RIGI: variants seen among roughly 807,000 people sequenced by gnomAD.
The protein encoded by RIGI is RNA sensor RIG-I, also known as antiviral innate immune response receptor RIG-I.
the RIGI span, among the ~76,000 whole-genome samples, chr9:32,516,876 G>T: frequency 6.6e-6 from 1 of 152,224 alleles, no homozygotes; most frequent in South Asian, 2.1e-4. Flanking sequence ...GATTGAGAGA[G>T]AAAAGCACCT....
At chr9:32,480,501 CCT>C in the RIGI span, 5 of 695,972 alleles carry the variant, frequency 7.2e-6, no homozygotes, top group Non-Finnish European at 6.4e-6. Context: ...AGATGAATGG[CCT>C]CTAACAGTTA....
the RIGI span, among the ~76,000 whole-genome samples, chr9:32,508,258 T>TTTTTTTTTTTTTTTTTTTTTTTA: frequency 2.9e-5 from 4 of 138,048 alleles, no homozygotes; most frequent in East Asian, 2.2e-4. Context: ...TTTTTTTTTT[T>TTTTTTTTTTTTTTTTTTTTTTTA]ACTATATGAA....
At chr9:32,508,327 A>C in the RIGI span, among the ~76,000 whole-genome samples, 2 of 144,480 alleles carry the variant, frequency 1.4e-5, no homozygotes, top group Admixed American at 1.4e-4. Flanking sequence ...AAAAAGGAAC[A>C]GCTCCGGTCT....
the RIGI span, chr9:32,481,382 G>A: frequency 4.0e-5 from 64 of 1,613,420 alleles, no homozygotes; most frequent in East Asian, 1.4e-3. Flanking sequence ...TACAAATCCT[G>A]CTCTCTTCAT....
At chr9:32,493,260 G>C in the RIGI span, among the ~76,000 whole-genome samples, 2 of 152,120 alleles carry the variant, frequency 1.3e-5, no homozygotes, top group African/African-American at 4.8e-5. Flanking sequence ...CACAGACTGT[G>C]GTGATTTTAA....
the RIGI span, among the ~76,000 whole-genome samples, chr9:32,510,253 TC>T: frequency 6.6e-6 from 1 of 151,882 alleles, no homozygotes; most frequent in African/African-American, 2.4e-5. Flanking sequence ...ACAAAGATAC[TC>T]CTCGAGAAGA....
chr9:32,474,061 G>T, the RIGI span, among the ~76,000 whole-genome samples: 1 of 152,074 alleles, frequency 6.6e-6, no homozygotes, highest in East Asian at 1.9e-4. Flanking sequence ...AATTAGCTGG[G>T]TGTGGTGGTT....
chr9:32,503,967 G>A, the RIGI span, among the ~76,000 whole-genome samples: 1 of 151,280 alleles, frequency 6.6e-6, no homozygotes, highest in African/African-American at 2.4e-5. Flanking sequence ...ACTTGAACCA[G>A]GGAGACAGAA....
the RIGI span, chr9:32,501,090 C>T: frequency 1.0e-6 from 1 of 982,786 alleles, no homozygotes; most frequent in African/African-American, 1.7e-5. Flanking sequence ...GCAGCAAAAC[C>T]TCTGCCCAGG....
chr9:32,522,996 A>G, the RIGI span, among the ~76,000 whole-genome samples: 1 of 152,224 alleles, frequency 6.6e-6, no homozygotes, highest in Non-Finnish European at 1.5e-5. Context: ...TCATCAGACC[A>G]TCACATCCAG....
chr9:32,492,470 C>A, the RIGI span: 1 of 1,614,132 alleles, frequency 6.2e-7, no homozygotes, highest in Non-Finnish European at 8.5e-7. Context: ...GCCAGTTTTC[C>A]TTGTCTGATC....
At chr9:32,481,747 G>A in the RIGI span, among the ~76,000 whole-genome samples, 2 of 152,022 alleles carry the variant, frequency 1.3e-5, no homozygotes, top group Admixed American at 1.3e-4. Flanking sequence ...CATCACGCCT[G>A]GCTAATTTTT....
the RIGI span, among the ~76,000 whole-genome samples, chr9:32,515,317 C>CAAAA: frequency 2.6e-4 from 29 of 111,204 alleles, no homozygotes; most frequent in Middle Eastern, 4.3e-3. Context: ...GACTCTGTCT[C>CAAAA]AAAAAAAAAA....
At chr9:32,466,648 C>A in the RIGI span, among the ~76,000 whole-genome samples, 1 of 127,810 alleles carries the variant, frequency 7.8e-6, no homozygotes, top group South Asian at 2.6e-4. Context: ...GCTAGGATTA[C>A]ACCACTGCAC....
chr9:32,521,473 A>G, the RIGI span, among the ~76,000 whole-genome samples: 1 of 152,110 alleles, frequency 6.6e-6, no homozygotes, highest in African/African-American at 2.4e-5. Context: ...TAAATGAATA[A>G]CTATTTTGTA....
chr9:32,513,768 A>G, the RIGI span, among the ~76,000 whole-genome samples: 1 of 152,226 alleles, frequency 6.6e-6, no homozygotes, highest in Non-Finnish European at 1.5e-5. Context: ...CAGCTAAAGA[A>G]ACTATCATCA....
the RIGI span, among the ~76,000 whole-genome samples, chr9:32,493,009 CT>C: frequency 6.6e-6 from 1 of 152,234 alleles, no homozygotes; most frequent in East Asian, 1.9e-4. Flanking sequence ...CATATATTAT[CT>C]CATTACCCTT....
chr9:32,505,813 G>T, the RIGI span, among the ~76,000 whole-genome samples: 1 of 152,072 alleles, frequency 6.6e-6, no homozygotes, highest in Non-Finnish European at 1.5e-5. Flanking sequence ...CCTTTAACAC[G>T]AAACTAAAAT....
the RIGI span, chr9:32,488,278 G>GTTGATGTTCTGATCT: frequency 6.8e-7 from 1 of 1,470,012 alleles, no homozygotes; most frequent in Non-Finnish European, 9.3e-7. Flanking sequence ...TGCTAGATCA[G>GTTGATGTTCTGATCT]AACATCAACT....
Sources: gnomAD v4.1 joint callset for allele counts (sites outside exome capture counted in the v4.1 genomes callset) on GRCh38, gnomAD v4.1.1 for gene constraint, MANE v1.5 for transcripts, NCBI Gene and HGNC (gene_info 2026-07-23, HGNC 2026-07-21) for gene names.